BNC2: variants seen among roughly 807,000 people sequenced by gnomAD.
The protein encoded by BNC2 is zinc finger protein basonuclin-2.
Under a neutral mutation model 76.3 loss-of-function variants are expected in BNC2, and 20 were observed. The ratio of observed to expected loss-of-function variants is 0.26; its 90% CI spans 0.18 to 0.38. BNC2 has a LOEUF of 0.38. Among genes scored for constraint, BNC2 ranks in the 10% least tolerant of loss-of-function variants. The probability of loss-of-function intolerance (pLI) is 1.00; values close to 1 mark genes in which losing one functional copy is unlikely to be tolerated. For synonymous variants in BNC2, 582 were observed against 514.8 expected (o/e 1.13, Z -1.77); for missense variants, 1,382 against 1,399.8 (o/e 0.99, Z 0.20).
chr9:16,669,874 G>A (rs929317706), intron 3 of BNC2, among the ~76,000 whole-genome samples: 1 of 152,114 alleles, frequency 6.6e-6, no homozygotes, highest in South Asian at 2.1e-4. Flanking sequence ...TAGAGTGGAC[G>A]GTAGGAAACT....
At chr9:16,778,402 C>G (rs903798696) in intron 1 of BNC2, among the ~76,000 whole-genome samples, 1 of 152,068 alleles carries the variant, frequency 6.6e-6, no homozygotes, top group Non-Finnish European at 1.5e-5. Context: ...GAAAAAACCC[C>G]CAAACTACCA....
At chr9:16,585,120 A>G (rs551584781) in intron 3 of BNC2, among the ~76,000 whole-genome samples, 5 of 152,116 alleles carry the variant, frequency 3.3e-5, no homozygotes, top group African/African-American at 1.2e-4. Context: ...AAATATCCTA[A>G]TTTTGTATTG....
intron 1 of BNC2, among the ~76,000 whole-genome samples, chr9:16,817,510 G>A (rs562692743): frequency 1.3e-5 from 2 of 152,236 alleles, no homozygotes; most frequent in East Asian, 3.9e-4. Context: ...TTTAAACTGA[G>A]TTCCCATTTC....
chr9:16,659,283 A>G (rs1290558386), intron 3 of BNC2, among the ~76,000 whole-genome samples: 1 of 152,032 alleles, frequency 6.6e-6, no homozygotes, highest in Non-Finnish European at 1.5e-5. Flanking sequence ...CAATTTCAGG[A>G]CCCCTGTTCA....
intron 2 of BNC2, among the ~76,000 whole-genome samples, chr9:16,734,796 G>T (rs182347854): frequency 3.2e-4 from 48 of 152,320 alleles, no homozygotes; most frequent in Middle Eastern, 3.4e-3. Flanking sequence ...TTCATTACAT[G>T]CCCTTAGACC....
intron 5 of BNC2, among the ~76,000 whole-genome samples, chr9:16,506,846 G>GT (rs1293340853): frequency 2.0e-5 from 3 of 151,634 alleles, no homozygotes; most frequent in Non-Finnish European, 4.4e-5. Context: ...CTGCCTCCTG[G>GT]GTTCAAGTGA....
intron 1 of BNC2, among the ~76,000 whole-genome samples, chr9:16,820,542 G>C (rs190663094): frequency 3.3e-4 from 50 of 152,274 alleles, no homozygotes; most frequent in African/African-American, 1.1e-3. Flanking sequence ...TCCACAACCA[G>C]GCTTAAATAA....
rs538739624 is a variant in BNC2, at chr9:16,692,958, C to T, written c.330+34839G>A. Among the ~76,000 whole-genome samples the T allele has an allele frequency of 3.3e-5, 5 of 151,758 alleles. No homozygotes were observed. The East Asian group carries it at 9.7e-4, about 30-fold the overall frequency. On this transcript the variant is annotated intron_variant, in intron 3 of 6. Coordinates refer to ENST00000380672, the MANE Select transcript of BNC2 (RefSeq NM_017637.6). Reference sequence around the variant, plus strand: ...TAGCCTGGCCGACATGGAGAAACTCCGTCTCTACTAAAAATACAAAAATTA... The same window carrying T: ...TAGCCTGGCCGACATGGAGAAACTCTGTCTCTACTAAAAATACAAAAATTA...
intron 5 of BNC2, among the ~76,000 whole-genome samples, chr9:16,532,720 A>G (rs1183759383): frequency 6.6e-6 from 1 of 152,244 alleles, no homozygotes; most frequent in East Asian, 1.9e-4. Context: ...CTATGTTCTT[A>G]TAATTATTTG....
In BNC2 at chr9:16,776,742, T is replaced by C. The variant is rs146892817; in HGVS notation, c.4-38257A>G. 6.0e-3 allele frequency among the ~76,000 whole-genome samples: 919 copies of C among 152,294 alleles called. 7 individuals carry two copies. The highest frequency in any genetic ancestry group is 0.02 in the African/African-American group (819 of 41,556). On this transcript the variant is annotated intron_variant, in intron 1 of 6. Transcript: ENST00000380672. ...AAGTAATTCCAAATTTGAGGTGATATGATGGGCAACACGAAGGAAACAAAT... is the reference window on the plus strand; with the variant it reads ...AAGTAATTCCAAATTTGAGGTGATACGATGGGCAACACGAAGGAAACAAAT...
chr9:16,861,388 C>G (rs1027165122), intron 1 of BNC2, among the ~76,000 whole-genome samples: 1 of 151,682 alleles, frequency 6.6e-6, no homozygotes, highest in East Asian at 1.9e-4. Flanking sequence ...TAAAGACAAC[C>G]CACAGAATAG....
chr9:16,772,522 G>C (rs1048300566), intron 1 of BNC2, among the ~76,000 whole-genome samples: 31 of 151,906 alleles, frequency 2.0e-4, no homozygotes, highest in Non-Finnish European at 5.9e-5. Flanking sequence ...AAAACCTTTT[G>C]CATTTTCCCC....
chr9:16,455,249 C>A (rs551833987), intron 5 of BNC2, among the ~76,000 whole-genome samples: 29 of 152,314 alleles, frequency 1.9e-4, no homozygotes, highest in Non-Finnish European at 4.0e-4. Flanking sequence ...ATATCAGCAT[C>A]TGCAGGTGGG....
chr9:16,567,503 T>C (rs921711666), intron 4 of BNC2, among the ~76,000 whole-genome samples: 15 of 152,144 alleles, frequency 9.9e-5, no homozygotes, highest in African/African-American at 3.1e-4. Flanking sequence ...CAGGAATTGC[T>C]CCTCAAACCT....
chr9:16,453,818 AAAAC>A (rs1481936115), intron 5 of BNC2, among the ~76,000 whole-genome samples: 2 of 152,210 alleles, frequency 1.3e-5, no homozygotes, highest in Non-Finnish European at 2.9e-5. Context: ...TAAACAAAAC[AAAAC>A]AAACAAAACC....
intron 1 of BNC2, among the ~76,000 whole-genome samples, chr9:16,772,782 G>A (rs893697503): frequency 6.6e-6 from 1 of 152,188 alleles, no homozygotes; most frequent in Non-Finnish European, 1.5e-5. Flanking sequence ...CACATAAACA[G>A]GGAAGACTGG....
At chr9:16,478,512 A>G (rs1440183399) in intron 5 of BNC2, among the ~76,000 whole-genome samples, 1 of 152,200 alleles carries the variant, frequency 6.6e-6, no homozygotes, top group African/African-American at 2.4e-5. Flanking sequence ...TCAGCTTAAT[A>G]TTTCTTCCAC....
chr9:16,733,814 G>C (rs1824581252), intron 2 of BNC2, among the ~76,000 whole-genome samples: 2 of 151,806 alleles, frequency 1.3e-5, no homozygotes, highest in South Asian at 4.2e-4. Flanking sequence ...AACTTGGGAG[G>C]TGGAAGTTGC....
intron 3 of BNC2, among the ~76,000 whole-genome samples, chr9:16,710,593 C>T (rs868240125): frequency 5.9e-5 from 9 of 152,150 alleles, no homozygotes; most frequent in Admixed American, 5.9e-4. Context: ...TGCATGTATG[C>T]TTTTCAAGGG....
Sources: allele counts gnomAD v4.1 joint callset (sites outside exome capture counted in the v4.1 genomes callset), GRCh38; gene constraint gnomAD v4.1.1; transcripts MANE v1.5; gene names NCBI Gene and HGNC (gene_info 2026-07-23, HGNC 2026-07-21).